Variants in KATNA1 observed in about 807,000 individuals in gnomAD.
KATNA1 encodes the protein katanin catalytic subunit A1.
A neutral mutation model predicts 62.6 loss-of-function variants in KATNA1; 42 were observed. The ratio of observed to expected loss-of-function variants is 0.67; its 90% CI spans 0.52 to 0.87. The LOEUF (loss-of-function observed/expected upper bound fraction) is 0.87, where lower values mean the gene tolerates loss of function less well. KATNA1 is among the 40% of genes least tolerant of loss of function. The pLI is 0.00. For synonymous variants in KATNA1, 186 were observed against 201.9 expected (o/e 0.92, Z 0.67); for missense variants, 498 against 612.5 (o/e 0.81, Z 1.97).
At chr6:149,612,825 C>G (rs1476261588) in intron 4 of KATNA1, among the ~76,000 whole-genome samples, 2 of 151,916 alleles carry the variant, frequency 1.3e-5, no homozygotes, top group African/African-American at 4.8e-5. Flanking sequence ...TCAATATAAT[C>G]CACTATATTA....
At chr6:149,640,440 A>G (rs1780234504) in intron 1 of KATNA1, among the ~76,000 whole-genome samples, 1 of 152,184 alleles carries the variant, frequency 6.6e-6, no homozygotes, top group Non-Finnish European at 1.5e-5. Flanking sequence ...CCTGGGCAAC[A>G]GAGACAGAGT....
chr6:149,644,774 C>T (rs1483512881), intron 1 of KATNA1, among the ~76,000 whole-genome samples: 1 of 152,086 alleles, frequency 6.6e-6, no homozygotes, highest in African/African-American at 2.4e-5. Context: ...ATGTTTTGAA[C>T]TCTTTCTAGT....
chr6:149,630,367 G>A (rs1386783751), intron 3 of KATNA1, among the ~76,000 whole-genome samples: 3 of 152,200 alleles, frequency 2.0e-5, no homozygotes, highest in East Asian at 1.9e-4. Flanking sequence ...GGTGGCTCAC[G>A]CCTATAATCC....
intron 4 of KATNA1, among the ~76,000 whole-genome samples, chr6:149,622,277 C>T (rs748715583): frequency 3.3e-5 from 5 of 152,018 alleles, no homozygotes; most frequent in Admixed American, 1.3e-4. Flanking sequence ...GGACTACAGG[C>T]GCCCGCCACC....
rs188790938 is a variant in KATNA1, at chr6:149,627,353, G to A, written c.321-4070C>T. 2.0e-5 allele frequency among the ~76,000 whole-genome samples: 3 copies of A among 151,766 alleles called. No homozygotes were observed. The East Asian group carries it at 5.8e-4, about 29-fold the overall frequency. ...AGACCAGGCGGACAGATCACTTGAA[G>A]TCAGGAGTTCGAGACTAGCCTGGCA... On this transcript the variant is annotated intron_variant, in intron 3 of 10. Transcript: ENST00000367411.
chr6:149,633,566 T>C (rs1304017530), intron 2 of KATNA1, among the ~76,000 whole-genome samples: 1 of 139,620 alleles, frequency 7.2e-6, no homozygotes, highest in African/African-American at 2.5e-5. Flanking sequence ...ACCCCATCTC[T>C]ACTAAAAATA....
chr6:149,617,656 C>A (rs1582777167), intron 4 of KATNA1, among the ~76,000 whole-genome samples: 1 of 152,024 alleles, frequency 6.6e-6, no homozygotes, highest in East Asian at 1.9e-4. Context: ...AAAATATTGC[C>A]AGACGAGGTG....
intron 3 of KATNA1, among the ~76,000 whole-genome samples, chr6:149,623,961 C>T (rs940031755): frequency 2.6e-5 from 4 of 152,054 alleles, no homozygotes; most frequent in African/African-American, 9.7e-5. Flanking sequence ...GAATACAATA[C>T]AAGTATTCAA....
intron 10 of KATNA1, 81 bp downstream of exon 10, chr6:149,596,982 G>C: frequency 5.6e-6 from 8 of 1,416,626 alleles, no homozygotes; most frequent in Non-Finnish European, 5.9e-6. Context: ...GAGCGAGACT[G>C]TGTCTCAAAA....
chr6:149,613,205 A>AT, intron 4 of KATNA1, among the ~76,000 whole-genome samples: 5 of 140,850 alleles, frequency 3.5e-5, no homozygotes, highest in African/African-American at 1.4e-4. Flanking sequence ...AAAAAAAAAA[A>AT]AAAAAAAAAA....
intron 4 of KATNA1, among the ~76,000 whole-genome samples, chr6:149,614,018 GATC>G (rs1212023105): frequency 1.3e-5 from 2 of 152,126 alleles, no homozygotes; most frequent in Admixed American, 1.3e-4. Flanking sequence ...CCAGCACCCT[GATC>G]TTGGACTTCC....
chr6:149,626,485 G>T (rs1272062307), intron 3 of KATNA1, among the ~76,000 whole-genome samples: 1 of 146,634 alleles, frequency 6.8e-6, no homozygotes, highest in Non-Finnish European at 1.5e-5. Context: ...TAGTAGAGAC[G>T]GGGTTTCACC....
chr6:149,643,643 A>T (rs1229978781), intron 1 of KATNA1, among the ~76,000 whole-genome samples: 1 of 151,484 alleles, frequency 6.6e-6, no homozygotes, highest in Non-Finnish European at 1.5e-5. Context: ...TCAAATGTAG[A>T]TCTCAATCAA....
chr6:149,626,959 G>A (rs894569521), intron 3 of KATNA1, among the ~76,000 whole-genome samples: 2 of 151,894 alleles, frequency 1.3e-5, no homozygotes, highest in African/African-American at 4.9e-5. Flanking sequence ...ACTCCAGCCT[G>A]GGCAACAGAG....
At chr6:149,630,441 C>T (rs1779787117) in intron 3 of KATNA1, among the ~76,000 whole-genome samples, 1 of 152,110 alleles carries the variant, frequency 6.6e-6, no homozygotes. Context: ...CCAGCCTGGC[C>T]AACACGGTGA....
chr6:149,629,969 A>G (rs1052576720), intron 3 of KATNA1, among the ~76,000 whole-genome samples: 2 of 152,208 alleles, frequency 1.3e-5, no homozygotes, highest in Admixed American at 1.3e-4. Flanking sequence ...TACATGTAAA[A>G]CAACAAACAC....
At chr6:149,617,568 G>A (rs559711006) in intron 4 of KATNA1, among the ~76,000 whole-genome samples, 109 of 152,304 alleles carry the variant, frequency 7.2e-4, no homozygotes, top group African/African-American at 2.5e-3. Flanking sequence ...TTGGGAGGCC[G>A]AGGCGGGCGG....
At position 149,620,901 on chromosome 6, in the gene KATNA1, G is replaced by A. The variant is rs75552868; in HGVS notation, c.501+2202C>T. On this transcript the variant is annotated intron_variant, in intron 4 of 10. Coordinates refer to ENST00000367411, the MANE Select transcript of KATNA1 (RefSeq NM_007044.4). ...GGCATTAGAAAATTATGATTTTGCA[G>A]TCAGTGCAGAAATAGCTGATTCAGA... Among the ~76,000 whole-genome samples, 4,418 of 152,234 alleles carry A rather than the reference G, an allele frequency of 0.029. 366 individuals carry two copies. The East Asian group carries it at 0.31, about 11-fold the overall frequency.
At chr6:149,611,955 A>G (rs1329176403) in intron 4 of KATNA1, among the ~76,000 whole-genome samples, 3 of 151,704 alleles carry the variant, frequency 2.0e-5, no homozygotes, top group African/African-American at 4.8e-5. Context: ...AGCCAAGATC[A>G]TGCCACTGCA....
Sources: allele counts gnomAD v4.1 joint callset (sites outside exome capture counted in the v4.1 genomes callset), GRCh38; gene constraint gnomAD v4.1.1; transcripts MANE v1.5; gene names NCBI Gene and HGNC (gene_info 2026-07-23, HGNC 2026-07-21).